ASXL1: variants seen among roughly 807,000 people sequenced by gnomAD.
The protein encoded by ASXL1 is ASXL transcriptional regulator 1.
ASXL1 carries 65 observed loss-of-function variants against 89.1 expected under a neutral mutation model. The observed-to-expected ratio is 0.73, with a 90% confidence interval of 0.60 to 0.90. The LOEUF is 0.90. Ranked by LOEUF, ASXL1 falls within the 40% of genes least tolerant of loss-of-function variation. The pLI, the probability that ASXL1 is intolerant of heterozygous loss-of-function variation, is 0.00. For synonymous variants in ASXL1, 739 were observed against 746.9 expected (o/e 0.99, Z 0.17); for missense variants, 1,786 against 1,942.9 (o/e 0.92, Z 1.52).
intron 4 of ASXL1, among the ~76,000 whole-genome samples, chr20:32,410,656 T>A (rs6057577): frequency 0.021 from 3,228 of 152,274 alleles, 114 homozygotes; most frequent in African/African-American, 0.074. Flanking sequence ...TACTGTACTT[T>A]GAGACTATAT....
In ASXL1 at chr20:32,432,955, A is replaced by G; in HGVS notation, c.1055A>G (p.Glu352Gly). 6.2e-7 allele frequency: 1 copy of G among 1,614,042 alleles called. No individual in the cohort carries two copies. Among genetic ancestry groups the G allele is most frequent in the East Asian group, 2.2e-5 (1 of 44,878 alleles). Residue 352 changes from glutamate to glycine, a missense_variant, in exon 11 of 13, where the codon GAA becomes GGA. Physicochemically the swap from Glu to Gly is moderately conservative, Grantham distance 98. Coordinates refer to ENST00000375687, the MANE Select transcript of ASXL1 (RefSeq NM_015338.6). ...EKEKKVEQWK[E>G]KFFEDYYGQK... ...GAAAAGAAGGTGGAACAATGGAAAG[A>G]AAAGTTCTTTGAAGACTACTATGGA...
At chr20:32,426,541 C>CTTTG (rs2011294263) in intron 4 of ASXL1, among the ~76,000 whole-genome samples, 1 of 92,564 alleles carries the variant, frequency 1.1e-5, no homozygotes, top group Non-Finnish European at 2.3e-5. Context: ...AAACTGTTTT[C>CTTTG]TTTTTTTTCT....
At chr20:32,358,875 GGGGGGGCTCGCCGC>G in intron 1 of ASXL1, 43 bp downstream of exon 1, 1 of 1,459,580 alleles carries the variant, frequency 6.9e-7, no homozygotes, top group Non-Finnish European at 9.1e-7. Flanking sequence ...GCCCGGGGTG[GGGGGGGCTCGCCGC>G]GCACCCCCCC....
chr20:32,434,998 G>T lies in ASXL1; in HGVS notation c.2286G>T (p.Leu762Phe). ...APTGDQPCQA[L>F]PLLSSQTSVA... The stretch of plus-strand genomic sequence containing the variant: ...CTGGGGACCAGCCATGCCAGGCCTT[G>T]CCCCTACTGTCCTCCCAAACCTCAG... The change falls in exon 13 of 13, where the codon TTG (leucine) becomes TTT (phenylalanine). Residue 762 changes from leucine to phenylalanine, a missense_variant. Transcript: ENST00000375687. 3.1e-6 allele frequency: 5 copies of T among 1,614,152 alleles called. No homozygotes were observed. Among genetic ancestry groups the T allele is most frequent in the South Asian group, 1.1e-5 (1 of 91,080 alleles).
At chr20:32,408,599 C>G (rs925935961) in intron 4 of ASXL1, among the ~76,000 whole-genome samples, 2 of 152,122 alleles carry the variant, frequency 1.3e-5, no homozygotes, top group African/African-American at 4.8e-5. Context: ...TGTCGGCAGG[C>G]TGTAGTGCAG....
Position 32,429,691 on chromosome 20 carries a change from A to G in ASXL1, c.566-210A>G. On this transcript the variant is annotated intron_variant, in intron 7 of 12. Coordinates refer to ENST00000375687, the MANE Select transcript of ASXL1 (RefSeq NM_015338.6). The surrounding 1 kb of genome is among the most constrained non-coding windows in gnomAD (Gnocchi z 4.9). ...AGTGCTTTGTAAAAGGTGTAGTGCT[A>G]TACAAATAAAGATGGCAGTTTGGCA... 2.8e-6 allele frequency: 2 copies of G among 724,708 alleles called. No individual in the cohort carries two copies. The highest frequency in any genetic ancestry group is 1.8e-5 in the South Asian group (1 of 54,068). The allele number at this position is 724,708 out of a possible 1,614,324, so 44.9% of individuals were successfully genotyped here. A position where few individuals can be genotyped will look rare whatever the true frequency, so the allele number is the denominator to read the frequency against.
intron 4 of ASXL1, among the ~76,000 whole-genome samples, chr20:32,418,907 A>G (rs1197582022): frequency 1.6e-5 from 2 of 124,926 alleles, no homozygotes; most frequent in Non-Finnish European, 3.1e-5. Flanking sequence ...ATCTTGGCCT[A>G]CTGTAATCTC....
chr20:32,411,066 T>A (rs796231204), intron 4 of ASXL1, among the ~76,000 whole-genome samples: 29 of 136,254 alleles, frequency 2.1e-4, no homozygotes, highest in African/African-American at 8.1e-4. Flanking sequence ...TAAAAAAAAA[T>A]TAGTACTCTG....
rs561663577 is a variant in ASXL1 at position 32,434,570 on chromosome 20, C to T, written c.1858C>T (p.Arg620Cys). The T allele has an allele frequency of 7.9e-5, 128 of 1,613,580 alleles. 1 individual carries two copies. In the South Asian group the frequency reaches 1.2e-3, roughly 15 times the overall value. Residue 620 changes from arginine (R) to cysteine (C), a missense_variant, in exon 13 of 13, where the codon CGT becomes TGT. This residue lies in a region of ASXL1 where 1,418 missense variants were observed against 1,427.8 expected (regional missense o/e 0.99). Coordinates refer to ENST00000375687, the MANE Select transcript of ASXL1 (RefSeq NM_015338.6). ...GARTLADIKA[R>C]ALQVRGARGH... ...CAGGACCCTCGCAGACATTAAAGCC[C>T]GTGCTCTGCAGGTCCGAGGGGCGAG... is the stretch of plus-strand genomic sequence containing the variant.
intron 2 of ASXL1, 194 bp downstream of exon 2, chr20:32,366,660 C>A: frequency 1.5e-5 from 12 of 776,230 alleles, no homozygotes; most frequent in Non-Finnish European, 1.9e-5. Flanking sequence ...CATTTGTTTT[C>A]ATTTAGAGGT....
rs752770575 is a variant in ASXL1 at position 32,436,139 on chromosome 20, A to C, written c.3427A>C (p.Ser1143Arg). 1.1e-5 allele frequency: 18 copies of C among 1,614,180 alleles called. No individual in the cohort carries two copies. The Admixed American group carries it at 3.0e-4, about 27-fold the overall frequency. The change falls in exon 13 of 13, where the codon AGC becomes CGC. Residue 1143 changes from serine to arginine, a missense_variant. Coordinates refer to ENST00000375687, the MANE Select transcript of ASXL1 (RefSeq NM_015338.6). ...SPQVPLTKDQ[S>R]HGSLRMGSLH... ...ACAAGTACCACTTACAAAAGACCAG[A>C]GCCATGGCTCGCTACGCATGGGATC...
At chr20:32,419,961 T>C (rs774014454) in intron 4 of ASXL1, among the ~76,000 whole-genome samples, 5 of 152,168 alleles carry the variant, frequency 3.3e-5, no homozygotes, top group Non-Finnish European at 7.3e-5. Context: ...ATTACAGGCA[T>C]GAGCCCCCAC....
At chr20:32,381,536 A>G (rs1490680555) in intron 4 of ASXL1, among the ~76,000 whole-genome samples, 2 of 135,448 alleles carry the variant, frequency 1.5e-5, no homozygotes, top group Admixed American at 7.7e-5. Flanking sequence ...TTTTTTTGAG[A>G]CGGAGTCTCG....
At chr20:32,424,469 AG>A (rs1409950595) in intron 4 of ASXL1, among the ~76,000 whole-genome samples, 1 of 152,120 alleles carries the variant, frequency 6.6e-6, no homozygotes, top group East Asian at 1.9e-4. Flanking sequence ...CAGGAGGAGG[AG>A]GTTGCAGTGA....
chr20:32,366,489 A>C, intron 2 of ASXL1, 23 bp downstream of exon 2: 1 of 1,613,388 alleles, frequency 6.2e-7, no homozygotes, highest in East Asian at 2.2e-5. Context: ...CTTGTTGCTT[A>C]ACATGAGGGT....
At chr20:32,381,033 C>T (rs1676185023) in intron 4 of ASXL1, among the ~76,000 whole-genome samples, 1 of 152,304 alleles carries the variant, frequency 6.6e-6, no homozygotes, top group East Asian at 1.9e-4. Context: ...TGGCCTTCAA[C>T]CTATTTCTCA....
At chr20:32,389,553 A>G (rs2048636029) in intron 4 of ASXL1, among the ~76,000 whole-genome samples, 1 of 151,918 alleles carries the variant, frequency 6.6e-6, no homozygotes, top group Non-Finnish European at 1.5e-5. Context: ...GGCATAATTT[A>G]CGTACAGTAA....
At chr20:32,398,803 G>GT (rs2048817174) in intron 4 of ASXL1, among the ~76,000 whole-genome samples, 1 of 151,200 alleles carries the variant, frequency 6.6e-6, no homozygotes, top group Admixed American at 6.6e-5. Flanking sequence ...TAGAGACGGG[G>GT]TTTCACCGTT....
chr20:32,367,845 A>T (rs2048232316), intron 3 of ASXL1, 116 bp downstream of exon 3: 1 of 753,522 alleles, frequency 1.3e-6, no homozygotes, highest in African/African-American at 1.7e-5. Context: ...GCAGCTCTGT[A>T]ATTTGTAGAC....
Sources: allele counts gnomAD v4.1 joint callset (sites outside exome capture counted in the v4.1 genomes callset), GRCh38; gene constraint gnomAD v4.1.1; regional missense constraint gnomAD v4.1.1; non-coding constraint Gnocchi (gnomAD v3.1); transcripts MANE v1.5; gene names NCBI Gene and HGNC (gene_info 2026-07-23, HGNC 2026-07-21).